Variants in ST7 observed in about 807,000 individuals in gnomAD.
The protein encoded by ST7 is suppression of tumorigenicity 7.
Under a neutral mutation model 78.7 loss-of-function variants are expected in ST7, and 28 were observed. That is an observed-to-expected ratio of 0.36 (90% CI 0.26 to 0.49). The LOEUF (loss-of-function observed/expected upper bound fraction) is 0.49, where lower values mean the gene tolerates loss of function less well. Among genes scored for constraint, ST7 ranks in the 20% least tolerant of loss-of-function variants. The probability of loss-of-function intolerance (pLI) is 0.99; values close to 1 mark genes in which losing one functional copy is unlikely to be tolerated. For missense variants in ST7, 418 were observed against 696.0 expected, an observed-to-expected ratio of 0.60 and a Z score of 4.49; for synonymous variants, 247 against 249.6, an observed-to-expected ratio of 0.99 and a Z score of 0.10.
chr7:116,954,792 A>T (rs561608039), intron 1 of ST7: 1 of 271,454 alleles, frequency 3.7e-6, no homozygotes, highest in Non-Finnish European at 7.2e-6. Flanking sequence ...GTTAATCTCC[A>T]TACTCTGGGA....
chr7:117,041,303 C>T (rs982610547), intron 1 of ST7, among the ~76,000 whole-genome samples: 2 of 152,122 alleles, frequency 1.3e-5, no homozygotes, highest in African/African-American at 4.8e-5. Flanking sequence ...GCAAATTCTG[C>T]TATTACTGGA....
At chr7:117,105,155 T>G (rs1341390475) in intron 2 of ST7, among the ~76,000 whole-genome samples, 1 of 152,222 alleles carries the variant, frequency 6.6e-6, no homozygotes, top group East Asian at 1.9e-4. Context: ...AAAAGAATGT[T>G]CTGTTATTTG....
At chr7:117,133,569 C>CT (rs1445124048) in intron 6 of ST7, among the ~76,000 whole-genome samples, 309 of 147,576 alleles carry the variant, frequency 2.1e-3, no homozygotes, top group African/African-American at 6.1e-3. Flanking sequence ...TGTTGTTTGT[C>CT]TTTTTTTTTT....
At chr7:117,183,454 A>G (rs1420501435) in intron 10 of ST7, among the ~76,000 whole-genome samples, 1 of 151,892 alleles carries the variant, frequency 6.6e-6, no homozygotes, top group East Asian at 1.9e-4. Context: ...TATATAATTG[A>G]GGCATCAATT....
chr7:117,084,312 C>A (rs1345637406), intron 1 of ST7, among the ~76,000 whole-genome samples: 4 of 152,042 alleles, frequency 2.6e-5, no homozygotes, highest in African/African-American at 9.7e-5. Context: ...ATCTAGGAGA[C>A]AGGTTGGGGG....
At chr7:117,065,001 CT>C (rs992210530) in intron 1 of ST7, among the ~76,000 whole-genome samples, 39 of 152,254 alleles carry the variant, frequency 2.6e-4, no homozygotes, top group African/African-American at 8.9e-4. Flanking sequence ...CTTAAACTGT[CT>C]AACACTTATA....
Position 117,190,811 on chromosome 7 carries a change from GT to G in ST7, c.1152-18del. On this transcript the variant is annotated intron_variant, in intron 11 of 15. Transcript: ENST00000323984. The surrounding 1 kb of genome is among the most constrained non-coding windows in gnomAD (Gnocchi z 5.2). ...CCCAAGCAGTGGTCCCACCTGGATG[GT>G]TTTTGTCTTTCTGCTTTTCAGATTC... 6.2e-7 allele frequency: 1 copy of G among 1,609,534 alleles called. No homozygotes were observed. Among genetic ancestry groups the G allele is most frequent in the South Asian group, 1.1e-5 (1 of 90,974 alleles).
intron 1 of ST7, among the ~76,000 whole-genome samples, chr7:117,058,942 G>A (rs1028541677): frequency 2.6e-5 from 4 of 152,158 alleles, no homozygotes; most frequent in East Asian, 1.9e-4. Flanking sequence ...TAAGCCAGGC[G>A]CAGAAAGAGA....
chr7:117,227,949 C>G (rs1308932548), intron 15 of ST7, among the ~76,000 whole-genome samples: 4 of 152,218 alleles, frequency 2.6e-5, no homozygotes, highest in Non-Finnish European at 5.9e-5. Context: ...CAGATCCAAC[C>G]TGACACGCAG....
At position 117,219,160 on chromosome 7, in the gene ST7, C is replaced by G. The variant is rs372413405; in HGVS notation, c.1482C>G (p.Asp494Glu). The G allele has an allele frequency of 1.6e-5, 26 of 1,612,672 alleles. No homozygotes were observed. Among genetic ancestry groups the G allele is most frequent in the African/African-American group, 2.7e-5 (2 of 74,808 alleles). The stretch of plus-strand genomic sequence containing the variant: ...ACCCAATCTGTACAGAAACAGCAGA[C>G]CGAGAGCTGCTTCCATGTAAGTCTC... ...YPYPICTETA[D>E]RELLPSFHEV... Residue 494 changes from aspartate to glutamate, a missense_variant, in exon 14 of 16, where the codon GAC becomes GAG. Coordinates refer to ENST00000323984, the MANE Select transcript of ST7 (RefSeq NM_001369598.1). The surrounding 1 kb of genome is among the most constrained non-coding windows in gnomAD (Gnocchi z 5.1).
chr7:116,959,881 T>C (rs961913180), intron 1 of ST7: 1 of 152,412 alleles, frequency 6.6e-6, no homozygotes, highest in Non-Finnish European at 1.5e-5. Context: ...TAAGTTTCCT[T>C]CTAGCTCTGG....
At chr7:117,164,154 C>T (rs1348540640) in intron 9 of ST7, among the ~76,000 whole-genome samples, 1 of 152,064 alleles carries the variant, frequency 6.6e-6, no homozygotes. Flanking sequence ...ACACACAAAC[C>T]GATGGAACAG....
rs186030209 is a variant in ST7 at position 117,071,123 on chromosome 7, A to G, written c.152-28639A>G. Among the ~76,000 whole-genome samples the G allele has an allele frequency of 8.7e-4, 132 of 151,874 alleles. No homozygotes were observed. In the East Asian group the frequency reaches 0.023, roughly 26 times the overall value. On this transcript the variant is annotated intron_variant, in intron 1 of 15. Transcript: ENST00000323984. ...AGTCCCAGCTACTCGGGAGGCTGAG[A>G]CAGGAGAATGGCGTGAACCCGGGAG... is the stretch of plus-strand genomic sequence containing the variant.
chr7:117,089,484 C>T (rs1423968012), intron 1 of ST7, among the ~76,000 whole-genome samples: 1 of 148,606 alleles, frequency 6.7e-6, no homozygotes, highest in East Asian at 1.9e-4. Context: ...AGACTTAAAA[C>T]AAAACAAAAC....
intron 9 of ST7, among the ~76,000 whole-genome samples, chr7:117,152,670 T>C (rs530298331): frequency 6.6e-6 from 1 of 152,324 alleles, no homozygotes; most frequent in East Asian, 1.9e-4. Context: ...TCTACATTTG[T>C]AAGTCTTTTG....
intron 9 of ST7, among the ~76,000 whole-genome samples, chr7:117,150,116 C>T (rs573013710): frequency 3.3e-5 from 5 of 152,192 alleles, no homozygotes; most frequent in African/African-American, 1.2e-4. Context: ...CAGTCCCTCA[C>T]TCTGCCTGAT....
chr7:117,169,568 G>A (rs77024709), intron 9 of ST7, among the ~76,000 whole-genome samples: 5,668 of 152,108 alleles, frequency 0.037, 369 homozygotes, highest in African/African-American at 0.13. Flanking sequence ...CTCATCCAGT[G>A]TGGAACCCGT....
chr7:117,229,804 A>G lies in ST7; in HGVS notation c.1681A>G (p.Lys561Glu). The G allele has an allele frequency of 1.9e-6, 3 of 1,613,860 alleles. No individual in the cohort carries two copies. Among genetic ancestry groups the G allele is most frequent in the Non-Finnish European group, 2.5e-6 (3 of 1,179,988 alleles). Residue 561 changes from lysine to glutamate, a missense_variant, in exon 16 of 16, where the codon AAA (lysine) becomes GAA (glutamate). Lys to Glu is a moderately conservative substitution (Grantham distance 56, BLOSUM62 1). Coordinates refer to ENST00000323984, the MANE Select transcript of ST7 (RefSeq NM_001369598.1). ...LFAPLNFVME[K>E]VESILPSSLW... is the part of the protein sequence containing the mutation. ...TGCCCCCTTAAACTTTGTCATGGAG[A>G]AAGTGGAGAGCATCCTCCCATCCAG...
At chr7:117,073,819 C>T (rs1195675114) in intron 1 of ST7, 2 of 152,230 alleles carry the variant, frequency 1.3e-5, no homozygotes, top group Non-Finnish European at 2.9e-5. Context: ...AAAATACATA[C>T]TTTCCCAGCT....
Sources: gnomAD v4.1 joint callset for allele counts (sites outside exome capture counted in the v4.1 genomes callset) on GRCh38, gnomAD v4.1.1 for gene constraint, Gnocchi (gnomAD v3.1) non-coding constraint, MANE v1.5 for transcripts, NCBI Gene and HGNC (gene_info 2026-07-23, HGNC 2026-07-21) for gene names.